OPRM1: variants seen among roughly 807,000 people sequenced by gnomAD.
The protein encoded by OPRM1 is opioid receptor mu 1, also known as mu-type opioid receptor.
Under a neutral mutation model 31.8 loss-of-function variants are expected in OPRM1, and 27 were observed. That is an observed-to-expected ratio of 0.85 (90% CI 0.63 to 1.17). The LOEUF (loss-of-function observed/expected upper bound fraction) is 1.17. Ranked by LOEUF, OPRM1 falls within the 50% of genes most tolerant of loss-of-function variation. The pLI is 0.00. For synonymous variants in OPRM1, 196 were observed against 189.9 expected, an observed-to-expected ratio of 1.03 and a Z score of -0.26; for missense variants, 536 against 511.1, an observed-to-expected ratio of 1.05 and a Z score of -0.47.
rs1037240015 is a variant in OPRM1 at position 154,121,876 on chromosome 6, T to C, written c.*3155T>C. Reference sequence around the variant, plus strand: ...AAAGCTAAAAACAAGATCTTTTTGGTAATGCTTCAATTAAATGTTTTATCT... The same window carrying C: ...AAAGCTAAAAACAAGATCTTTTTGGCAATGCTTCAATTAAATGTTTTATCT... On this transcript the variant is annotated 3_prime_UTR_variant, in exon 4 of 4. Coordinates refer to ENST00000330432, the MANE Select transcript of OPRM1 (RefSeq NM_000914.5). Among the ~76,000 whole-genome samples the C allele has an allele frequency of 2.0e-5, 3 of 152,242 alleles. No homozygotes were observed. Among genetic ancestry groups the C allele is most frequent in the Admixed American group, 1.3e-4 (2 of 15,282 alleles).
At chr6:154,205,107 C>T (rs1362855481) in intron 3 of OPRM1, among the ~76,000 whole-genome samples, 1 of 152,204 alleles carries the variant, frequency 6.6e-6, no homozygotes, top group Non-Finnish European at 1.5e-5. Flanking sequence ...ATCCTCTCCA[C>T]TCCCAACCCC....
intron 3 of OPRM1, among the ~76,000 whole-genome samples, chr6:154,112,365 T>C (rs1413331212): frequency 6.6e-6 from 1 of 152,198 alleles, no homozygotes. Flanking sequence ...CACAGCACAG[T>C]AAACAGCACA....
chr6:154,098,683 A>T (rs1793825136), intron 3 of OPRM1, among the ~76,000 whole-genome samples: 1 of 152,206 alleles, frequency 6.6e-6, no homozygotes, highest in African/African-American at 2.4e-5. Context: ...TAACTTTTGG[A>T]TGTCATTCTG....
chr6:154,166,959 T>C (rs569266817), intron 3 of OPRM1, among the ~76,000 whole-genome samples: 2 of 152,340 alleles, frequency 1.3e-5, no homozygotes, highest in South Asian at 4.1e-4. Context: ...AAATTTACTT[T>C]CTTTTTCCAT....
chr6:154,181,173 T>C (rs1800835812), intron 3 of OPRM1, among the ~76,000 whole-genome samples: 1 of 152,136 alleles, frequency 6.6e-6, no homozygotes, highest in Non-Finnish European at 1.5e-5. Context: ...TATATTTAAA[T>C]TATTTAATTA....
At chr6:154,195,147 C>CTTTTTTTTTT (rs10719288) in intron 3 of OPRM1, among the ~76,000 whole-genome samples, 1 of 122,894 alleles carries the variant, frequency 8.1e-6, no homozygotes, top group Non-Finnish European at 1.7e-5. Context: ...TCTTTTCTTT[C>CTTTTTTTTTT]TTTTTTTTTT....
At chr6:154,167,864 C>A in intron 3 of OPRM1, 5 of 1,321,516 alleles carry the variant, frequency 3.8e-6, no homozygotes, top group Non-Finnish European at 5.3e-6. Flanking sequence ...TCTGCAGAAC[C>A]AGCCGTTCCT....
rs548170153 is a variant in OPRM1 at position 154,122,568 on chromosome 6, T to G, written c.*3847T>G. Among the ~76,000 whole-genome samples the G allele has an allele frequency of 6.6e-6, 1 of 152,348 alleles. No homozygotes were observed. The highest frequency in any genetic ancestry group is 2.1e-4 in the South Asian group (1 of 4,828). ...TCCATTTAAGAGCCATTTAATCCATTTAATTACAAATAATTTCAACCCATA... is the reference window on the plus strand; with the variant it reads ...TCCATTTAAGAGCCATTTAATCCATGTAATTACAAATAATTTCAACCCATA... On this transcript the variant is annotated 3_prime_UTR_variant, in exon 4 of 4. Transcript: ENST00000330432.
chr6:154,124,632 T>A lies in OPRM1; in HGVS notation c.*5911T>A, dbSNP rs1797481736. On this transcript the variant is annotated 3_prime_UTR_variant, in exon 4 of 4. Transcript: ENST00000330432. ...TCTTTAATCCATTTGCATCAAAAAG[T>A]ACTTCATATGCTCGAAACTAAAGTA... Among the ~76,000 whole-genome samples the A allele has an allele frequency of 6.6e-6, 1 of 152,244 alleles. No homozygotes were observed. The highest frequency in any genetic ancestry group is 1.5e-5 in the Non-Finnish European group (1 of 68,048).
intron 3 of OPRM1, among the ~76,000 whole-genome samples, chr6:154,152,279 GAAAGA>G (rs929791401): frequency 5.0e-5 from 6 of 120,604 alleles, no homozygotes; most frequent in African/African-American, 2.5e-4. Flanking sequence ...AAAAGAAAAG[GAAAGA>G]AAAGGAAGAG....
chr6:154,220,348 A>C (rs1778763216), intron 3 of OPRM1, among the ~76,000 whole-genome samples: 1 of 152,198 alleles, frequency 6.6e-6, no homozygotes. Context: ...AGCACCTCAA[A>C]TACAGCCTGA....
intron 1 of OPRM1, 68 bp downstream of exon 1, chr6:154,039,902 C>T (rs141380322): frequency 3.6e-6 from 5 of 1,397,866 alleles, no homozygotes; most frequent in African/African-American, 1.4e-5. Flanking sequence ...AGACACCTAA[C>T]TCCCAAGGCT....
chr6:154,132,803 G>A (rs1475071502), downstream of OPRM1, among the ~76,000 whole-genome samples: 1 of 152,118 alleles, frequency 6.6e-6, no homozygotes, highest in African/African-American at 2.4e-5. Context: ...AAGTGGAAAC[G>A]TCTCAACATG....
rs1456774697 is a variant in OPRM1 at position 154,019,749 on chromosome 6, T to TTTC, written c.-1+8733_-1+8734insCTT. On this transcript the variant is annotated intron_variant, in intron 1 of 5. Transcript: ENST00000434900. ...GTGGCTTTCTTTTCTTTTCTTTTCT[T>TTTC]TTTTTTTTTTTTTTTTGAGACAGGG... Among the ~76,000 whole-genome samples, 256 of 142,186 alleles carry TTTC rather than the reference T, an allele frequency of 1.8e-3. 2 individuals are homozygous for TTTC. Among genetic ancestry groups the TTTC allele is most frequent in the African/African-American group, 6.3e-3 (244 of 38,816 alleles). 93.3% of individuals were successfully genotyped at this position (142,186 alleles called of 152,430 possible).
chr6:154,153,450 G>A (rs1408413906), intron 3 of OPRM1, among the ~76,000 whole-genome samples: 4 of 152,276 alleles, frequency 2.6e-5, no homozygotes, highest in South Asian at 4.1e-4. Context: ...TTGGGAGGCC[G>A]AGGCGGGCAG....
At chr6:154,090,223 A>T in intron 2 of OPRM1, 45 bp downstream of exon 2, 1 of 1,305,706 alleles carries the variant, frequency 7.7e-7, no homozygotes, top group South Asian at 1.3e-5. Context: ...TCACAGCCTG[A>T]TATGTTGGTG....
intron 3 of OPRM1, among the ~76,000 whole-genome samples, chr6:154,220,693 C>T (rs1778795398): frequency 6.6e-6 from 1 of 152,132 alleles, no homozygotes; most frequent in African/African-American, 2.4e-5. Context: ...TGACTCTAAA[C>T]CATTAGGAAT....
chr6:154,053,345 C>G (rs1782571014), intron 1 of OPRM1, among the ~76,000 whole-genome samples: 1 of 152,230 alleles, frequency 6.6e-6, no homozygotes, highest in Non-Finnish European at 1.5e-5. Context: ...ACCCTGCACC[C>G]ACTGCATGTG....
Position 154,172,579 on chromosome 6 carries a change from G to A in OPRM1, c.1165-74114G>A, listed in dbSNP as rs1204298245. Among the ~76,000 whole-genome samples, 4 of 152,198 alleles carry A rather than the reference G, an allele frequency of 2.6e-5. No individual in the cohort carries two copies. The East Asian group carries it at 7.7e-4, about 29-fold the overall frequency. On this transcript the variant is annotated intron_variant, in intron 3 of 3. Transcript: ENST00000337049. ...GATTGTCCTGGGATGCTGGAGCTTG[G>A]CAAGGGGAGGGGCATCCACCATTGC...
Sources: gnomAD v4.1 joint callset for allele counts (sites outside exome capture counted in the v4.1 genomes callset) on GRCh38, gnomAD v4.1.1 for gene constraint, MANE v1.5 for transcripts, NCBI Gene and HGNC (gene_info 2026-07-23, HGNC 2026-07-21) for gene names.